Variants in CACNA2D4 observed in about 807,000 individuals in gnomAD.
CACNA2D4 encodes voltage-dependent calcium channel subunit alpha-2/delta-4.
In CACNA2D4, 157 loss-of-function variants were observed where a neutral mutation model predicts 163.8. The observed-to-expected ratio is 0.96, with a 90% CI of 0.84 to 1.09. The LOEUF is 1.09. Ranked by LOEUF, CACNA2D4 falls within the 50% of genes least tolerant of loss-of-function variation. The probability of loss-of-function intolerance (pLI) is 0.00; values close to 1 mark genes in which losing one functional copy is unlikely to be tolerated. For synonymous variants in CACNA2D4, 598 were observed against 586.9 expected (o/e 1.02, Z -0.27); for missense variants, 1,410 against 1,479.9 (o/e 0.95, Z 0.78).
At chr12:1,830,893 C>T (rs200790248) in intron 26 of CACNA2D4, 58 of 1,497,178 alleles carry the variant, frequency 3.9e-5, no homozygotes, top group South Asian at 3.1e-4. Context: ...GGTGGTGACC[C>T]GTCCTATTGC....
intron 26 of CACNA2D4, among the ~76,000 whole-genome samples, chr12:1,818,470 C>T (rs1363943250): frequency 6.9e-6 from 1 of 145,964 alleles, no homozygotes; most frequent in African/African-American, 2.8e-5. Flanking sequence ...TGTGACCTTA[C>T]TCCCAACCCT....
At chr12:1,887,839 G>C (rs1866186430) in intron 6 of CACNA2D4, among the ~76,000 whole-genome samples, 1 of 152,154 alleles carries the variant, frequency 6.6e-6, no homozygotes. Context: ...GTTGTGATTG[G>C]GATAGACAAA....
At chr12:1,830,874 G>A in intron 26 of CACNA2D4, 1 of 1,366,236 alleles carries the variant, frequency 7.3e-7, no homozygotes, top group Non-Finnish European at 9.9e-7. Context: ...GGAGGGAAGA[G>A]AAGCAGGAGG....
chr12:1,885,862 G>T, intron 9 of CACNA2D4, 103 bp downstream of exon 9: 1 of 821,388 alleles, frequency 1.2e-6, no homozygotes, highest in Non-Finnish European at 2.0e-6. Context: ...CAGGTGCCAT[G>T]GGAATAAGCA....
intron 23 of CACNA2D4, among the ~76,000 whole-genome samples, chr12:1,851,338 G>C (rs1865274506): frequency 1.3e-5 from 2 of 152,126 alleles, no homozygotes; most frequent in Admixed American, 1.3e-4. Flanking sequence ...TTTTACATTT[G>C]AATCTCTGAG....
chr12:1,893,961 A>T (rs1253127101), intron 6 of CACNA2D4, among the ~76,000 whole-genome samples: 1 of 152,204 alleles, frequency 6.6e-6, no homozygotes, highest in Non-Finnish European at 1.5e-5. Flanking sequence ...CAACAAAATG[A>T]AAAGTTGGTT....
At chr12:1,907,665 G>C in intron 5 of CACNA2D4, 94 bp from the exon 6 acceptor site, 1 of 1,048,508 alleles carries the variant, frequency 9.5e-7, no homozygotes, top group South Asian at 1.7e-5. Context: ...GTGTCTGGTG[G>C]GCGTGTCTGG....
chr12:1,859,485 CA>C (rs1429663449), intron 19 of CACNA2D4, among the ~76,000 whole-genome samples: 5 of 152,330 alleles, frequency 3.3e-5, no homozygotes, highest in East Asian at 3.9e-4. Flanking sequence ...AGGTAACGAC[CA>C]CTTGTTTTCT....
rs375999337 is a variant in CACNA2D4, at chr12:1,797,519, C to T, written c.3012G>A (p.Lys1004=). The part of the protein sequence containing the change: ...SVFHHSHKHK[K]QDPLQPCDTE... The stretch of plus-strand genomic sequence containing the variant: ...TGTCGCAGGGCTGCAGCGGGTCCTG[C>T]TTCTTGTGTTTGTGGGCTGCGGGCG... Residue 1004 remains lysine, a synonymous_variant, in exon 35 of 38, where the codon AAG becomes AAA. Coordinates refer to ENST00000382722, the MANE Select transcript of CACNA2D4 (RefSeq NM_172364.5). 25 of 1,572,010 alleles carry T rather than the reference C, an allele frequency of 1.6e-5. No individual in the cohort carries two copies. In the African/African-American group the frequency reaches 3.0e-4, roughly 19 times the overall value.
chr12:1,805,850 G>C (rs1410988817), intron 29 of CACNA2D4, among the ~76,000 whole-genome samples: 1 of 152,292 alleles, frequency 6.6e-6, no homozygotes, highest in African/African-American at 2.4e-5. Context: ...ACACGTGCCA[G>C]GCTGGGATAG....
intron 22 of CACNA2D4, among the ~76,000 whole-genome samples, chr12:1,855,193 G>T (rs1414590898): frequency 1.3e-5 from 2 of 152,172 alleles, no homozygotes; most frequent in Non-Finnish European, 2.9e-5. Flanking sequence ...CTCCATGATA[G>T]CAAGGGCCTT....
chr12:1,903,539 T>C (rs913887434), intron 6 of CACNA2D4, among the ~76,000 whole-genome samples: 3 of 151,598 alleles, frequency 2.0e-5, no homozygotes, highest in African/African-American at 7.3e-5. Flanking sequence ...AATCAAATAA[T>C]CGATTTTTAA....
intron 1 of CACNA2D4, among the ~76,000 whole-genome samples, chr12:1,916,952 C>T (rs1034528957): frequency 6.6e-6 from 1 of 152,238 alleles, no homozygotes; most frequent in African/African-American, 2.4e-5. Flanking sequence ...CCCTGAAGGC[C>T]TGGATTCCAG....
At chr12:1,839,662 G>C (rs1864967590) in intron 26 of CACNA2D4, among the ~76,000 whole-genome samples, 1 of 152,246 alleles carries the variant, frequency 6.6e-6, no homozygotes, top group African/African-American at 2.4e-5. Context: ...CCACATGGGA[G>C]GCAGTCCACA....
intron 26 of CACNA2D4, among the ~76,000 whole-genome samples, chr12:1,818,713 T>C (rs1371680981): frequency 6.9e-6 from 1 of 145,844 alleles, no homozygotes; most frequent in Non-Finnish European, 1.5e-5. Context: ...CCTCCACTAT[T>C]GTCCTATGAC....
At chr12:1,907,375 A>C in intron 6 of CACNA2D4, 65 bp downstream of exon 6, 1 of 984,122 alleles carries the variant, frequency 1.0e-6, no homozygotes, top group South Asian at 1.9e-5. Flanking sequence ...GTCCATCTTC[A>C]GTGCCCCTAT....
chr12:1,863,275 C>T (rs550762058), intron 18 of CACNA2D4, among the ~76,000 whole-genome samples: 106 of 152,310 alleles, frequency 7.0e-4, no homozygotes, highest in African/African-American at 2.6e-3. Flanking sequence ...CTATTCAGGT[C>T]ATTGACCCAT....
intron 23 of CACNA2D4, 49 bp from the exon 24 acceptor site, chr12:1,846,738 G>A (rs370033222): frequency 1.4e-6 from 2 of 1,459,658 alleles, no homozygotes; most frequent in Admixed American, 3.9e-5. Context: ...TGTGGCAAGA[G>A]CTTGGGGGCG....
At chr12:1,888,031 T>C (rs940509419) in intron 6 of CACNA2D4, among the ~76,000 whole-genome samples, 8 of 152,036 alleles carry the variant, frequency 5.3e-5, no homozygotes, top group African/African-American at 1.7e-4. Flanking sequence ...GCGTGAGGCA[T>C]ATGTGTGAGG....
Sources: gnomAD v4.1 joint callset for allele counts (sites outside exome capture counted in the v4.1 genomes callset) on GRCh38, gnomAD v4.1.1 for gene constraint, MANE v1.5 for transcripts, NCBI Gene and HGNC (gene_info 2026-07-23, HGNC 2026-07-21) for gene names.